Variants in ANKRD44 observed in about 807,000 individuals in gnomAD.
The protein encoded by ANKRD44 is serine/threonine-protein phosphatase 6 regulatory ankyrin repeat subunit B.
Under a neutral mutation model 116.0 loss-of-function variants are expected in ANKRD44, and 35 were observed. The observed-to-expected ratio is 0.30, with a 90% confidence interval of 0.23 to 0.40. ANKRD44 has a LOEUF of 0.40. Ranked by LOEUF, ANKRD44 falls within the 10% of genes least tolerant of loss-of-function variation. The probability of loss-of-function intolerance (pLI) is 1.00; values close to 1 mark genes in which losing one functional copy is unlikely to be tolerated. For synonymous variants in ANKRD44, 435 were observed against 461.8 expected (o/e 0.94, Z 0.74); for missense variants, 1,014 against 1,242.6 (o/e 0.82, Z 2.77).
At position 197,247,081 on chromosome 2, in the gene ANKRD44, T is replaced by G. The variant is rs141536599; in HGVS notation, c.28-59975A>C. On this transcript the variant is annotated intron_variant, in intron 1 of 27. Transcript: ENST00000282272. ...ATGCTGTCCATGTGGTTAATATGGG[T>G]TGACTGAATGAATGTCCAGGCTAAT... 6.2e-3 allele frequency among the ~76,000 whole-genome samples: 941 copies of G among 152,272 alleles called. 18 individuals carry two copies. The highest frequency in any genetic ancestry group is 0.021 in the African/African-American group (890 of 41,546).
intron 17 of ANKRD44, among the ~76,000 whole-genome samples, chr2:197,017,239 A>G (rs1477805907): frequency 6.6e-6 from 1 of 152,192 alleles, no homozygotes; most frequent in Non-Finnish European, 1.5e-5. Flanking sequence ...GATCTCATTT[A>G]TATACAAAGC....
chr2:197,142,085 A>G (rs571205570), intron 3 of ANKRD44, among the ~76,000 whole-genome samples: 1 of 152,366 alleles, frequency 6.6e-6, no homozygotes, highest in South Asian at 2.1e-4. Flanking sequence ...TTGATTCTTC[A>G]GAAACAAAGG....
intron 16 of ANKRD44, chr2:197,029,358 T>A (rs917025376): frequency 1.1e-5 from 3 of 267,976 alleles, no homozygotes; most frequent in African/African-American, 7.0e-5. Context: ...ATGGCTTCTT[T>A]GGGACTCTGC....
At chr2:197,254,205 C>T (rs1211724610) in intron 1 of ANKRD44, among the ~76,000 whole-genome samples, 3 of 152,156 alleles carry the variant, frequency 2.0e-5, no homozygotes, top group African/African-American at 7.2e-5. Flanking sequence ...CCAGCCCGAC[C>T]AACATGGCGA....
rs545029840 is a variant in ANKRD44 at position 197,063,304 on chromosome 2, C to T, written c.1650+15399G>A. ...CATCCACACCAAAACCCCATCTGTACGTCACCATCATCAAAGACTAAAGGT... is the reference window on the plus strand; with the variant it reads ...CATCCACACCAAAACCCCATCTGTATGTCACCATCATCAAAGACTAAAGGT... On this transcript the variant is annotated intron_variant, in intron 16 of 27. Transcript: ENST00000282272. Among the ~76,000 whole-genome samples, 1,200 of 152,220 alleles carry T rather than the reference C, an allele frequency of 7.9e-3. 12 individuals carry two copies. The highest frequency in any genetic ancestry group is 0.026 in the African/African-American group (1,095 of 41,514).
At chr2:197,060,825 G>C (rs572742706) in intron 16 of ANKRD44, among the ~76,000 whole-genome samples, 3 of 152,040 alleles carry the variant, frequency 2.0e-5, no homozygotes, top group Non-Finnish European at 4.4e-5. Context: ...ACGTCTTCCA[G>C]GTCGTACATG....
intron 16 of ANKRD44, among the ~76,000 whole-genome samples, chr2:197,061,589 G>A (rs574296308): frequency 6.7e-4 from 102 of 152,330 alleles, no homozygotes; most frequent in African/African-American, 2.2e-3. Context: ...AAGCCCTTCC[G>A]AAGGAATTGG....
intron 9 of ANKRD44, among the ~76,000 whole-genome samples, chr2:197,107,625 T>C (rs1305968750): frequency 6.6e-6 from 1 of 152,208 alleles, no homozygotes; most frequent in Non-Finnish European, 1.5e-5. Context: ...AGAAAACTAT[T>C]CAAAGTCCAA....
At chr2:197,254,163 C>T (rs544725253) in intron 1 of ANKRD44, among the ~76,000 whole-genome samples, 92 of 152,284 alleles carry the variant, frequency 6.0e-4, no homozygotes, top group Admixed American at 1.4e-3. Context: ...GAGGCCAAGG[C>T]GGGCAGATCA....
At chr2:196,990,674 C>T in intron 27 of ANKRD44, 1 of 1,232,176 alleles carries the variant, frequency 8.1e-7, no homozygotes, top group Non-Finnish European at 1.0e-6. Flanking sequence ...CTTCTACAGT[C>T]CAAAGTCAAA....
intron 3 of ANKRD44, among the ~76,000 whole-genome samples, chr2:197,143,327 T>C (rs1377049974): frequency 2.0e-5 from 3 of 149,432 alleles, no homozygotes; most frequent in African/African-American, 7.4e-5. Flanking sequence ...ATTAGATATA[T>C]CTCCTAATGC....
intron 1 of ANKRD44, among the ~76,000 whole-genome samples, chr2:197,305,930 T>C (rs1402938887): frequency 6.0e-5 from 9 of 149,002 alleles, no homozygotes; most frequent in Admixed American, 5.3e-4. Context: ...TTTGCTCATC[T>C]AGCTTTCTGC....
chr2:197,074,402 C>CTT (rs11463405), intron 16 of ANKRD44, among the ~76,000 whole-genome samples: 1 of 152,100 alleles, frequency 6.6e-6, no homozygotes, highest in Non-Finnish European at 1.5e-5. Context: ...AGTAGTTTTC[C>CTT]TTTTTTAAAT....
chr2:197,170,201 A>AAAAC (rs1249929216), intron 2 of ANKRD44, among the ~76,000 whole-genome samples: 2 of 151,740 alleles, frequency 1.3e-5, no homozygotes, highest in Admixed American at 1.3e-4. Context: ...AAAAAAAAAA[A>AAAAC]AAAAAAAAAA....
intron 13 of ANKRD44, among the ~76,000 whole-genome samples, chr2:197,084,200 T>G (rs2077865729): frequency 6.6e-6 from 1 of 152,172 alleles, no homozygotes; most frequent in African/African-American, 2.4e-5. Flanking sequence ...CTCTCTCCCC[T>G]AGATGTACCC....
At chr2:197,033,441 A>G (rs2076745906) in intron 16 of ANKRD44, among the ~76,000 whole-genome samples, 1 of 152,220 alleles carries the variant, frequency 6.6e-6, no homozygotes, top group African/African-American at 2.4e-5. Flanking sequence ...GGGGCCTTAC[A>G]TGAATCATCT....
chr2:197,136,186 T>C (rs1263857678), intron 4 of ANKRD44: 1 of 189,326 alleles, frequency 5.3e-6, no homozygotes, highest in African/African-American at 2.4e-5. Flanking sequence ...CCTCCCTCCT[T>C]CTCCTGGCCT....
intron 1 of ANKRD44, among the ~76,000 whole-genome samples, chr2:197,262,219 T>C (rs1217727844): frequency 9.2e-5 from 14 of 152,220 alleles, no homozygotes. Flanking sequence ...GGCAGAGCTT[T>C]CTGGCAGTAT....
intron 4 of ANKRD44, among the ~76,000 whole-genome samples, chr2:197,132,241 G>A (rs1034290767): frequency 6.6e-6 from 1 of 152,182 alleles, no homozygotes. Flanking sequence ...GGTAGGAAAG[G>A]GTCGTGGAAT....
Sources: gnomAD v4.1 joint callset for allele counts (sites outside exome capture counted in the v4.1 genomes callset) on GRCh38, gnomAD v4.1.1 for gene constraint, MANE v1.5 for transcripts, NCBI Gene and HGNC (gene_info 2026-07-23, HGNC 2026-07-21) for gene names.